NGFR: variants seen among roughly 807,000 people sequenced by gnomAD.
NGFR encodes the protein nerve growth factor receptor.
Under a neutral mutation model 43.2 loss-of-function variants are expected in NGFR, and 30 were observed. The observed-to-expected ratio is 0.69, with a 90% CI of 0.52 to 0.94. The LOEUF (loss-of-function observed/expected upper bound fraction) is 0.94, where lower values mean the gene tolerates loss of function less well. Among genes scored for constraint, NGFR ranks in the 40% least tolerant of loss-of-function variants. The pLI is 0.00. For synonymous variants in NGFR, 246 were observed against 259.6 expected (o/e 0.95, Z 0.50); for missense variants, 529 against 602.5 (o/e 0.88, Z 1.28).
intron 1 of NGFR, among the ~76,000 whole-genome samples, chr17:49,501,506 G>A (rs1282764864): frequency 6.6e-6 from 1 of 152,234 alleles, no homozygotes; most frequent in African/African-American, 2.4e-5. Flanking sequence ...TTCTGCTCTT[G>A]GGCATGGACA....
chr17:49,506,684 GAGTGGGGGT>G, intron 3 of NGFR, 26 bp downstream of exon 3: 45 of 1,133,618 alleles, frequency 4.0e-5, no homozygotes, highest in Non-Finnish European at 5.0e-5. Context: ...GGGGCGGGGG[GAGTGGGGGT>G]GCGGGGGTGG....
intron 3 of NGFR, 42 bp downstream of exon 3, chr17:49,506,700 G>GGGGGGGGCCC: frequency 2.1e-6 from 1 of 485,200 alleles, no homozygotes; most frequent in Non-Finnish European, 3.2e-6. Flanking sequence ...GGGTGCGGGG[G>GGGGGGGGCCC]TGGGCTGGGG....
Position 49,512,702 on chromosome 17 carries a change from C to A in NGFR, c.983-6C>A. On this transcript the variant is annotated splice_region_variant and splice_polypyrimidine_tract_variant and intron_variant, in intron 5 of 5. Coordinates refer to ENST00000172229, the MANE Select transcript of NGFR (RefSeq NM_002507.4). The surrounding 1 kb of genome is among the most constrained non-coding windows in gnomAD (Gnocchi z 5.2). ...AGGACCTGACTCTCCTCTGGTTTCT[C>A]TGCAGCCCTCAAGGGTGACGGAGGC... is the stretch of plus-strand genomic sequence containing the variant. 6.4e-7 allele frequency: 1 copy of A among 1,572,628 alleles called. No homozygotes were observed. Among genetic ancestry groups the A allele is most frequent in the South Asian group, 1.2e-5 (1 of 84,406 alleles).
intron 3 of NGFR, 46 bp downstream of exon 3, chr17:49,506,704 G>GGGGGGGGGGGGGGGCCGGGGGC: frequency 1.4e-6 from 1 of 737,234 alleles, no homozygotes; most frequent in Non-Finnish European, 2.0e-6. Context: ...GCGGGGGTGG[G>GGGGGGGGGGGGGGGCCGGGGGC]CTGGGGGCAT....
rs28730834 is a variant in NGFR at position 49,502,212 on chromosome 17, G to C, written c.208+8G>C. ...GTGAGCCCTGCCTGGACAGTGAGTA[G>C]AGGGTGGCGGGCAGGAGGAGGGGAG... is the stretch of plus-strand genomic sequence containing the variant. On this transcript the variant is annotated splice_region_variant and intron_variant, in intron 2 of 5. Coordinates refer to ENST00000172229, the MANE Select transcript of NGFR (RefSeq NM_002507.4). The C allele has an allele frequency of 1.9e-6, 3 of 1,588,400 alleles. No homozygotes were observed. In the East Asian group the frequency reaches 6.8e-5, roughly 36 times the overall value.
At chr17:49,507,618 G>T (rs1297103379) in intron 3 of NGFR, among the ~76,000 whole-genome samples, 3 of 152,222 alleles carry the variant, frequency 2.0e-5, no homozygotes, top group Admixed American at 2.0e-4. Context: ...CGTCTCAGGG[G>T]AGACTGGTGG....
At position 49,510,548 on chromosome 17, in the gene NGFR, G is replaced by C. The variant is rs1273676117; in HGVS notation, c.705G>C (p.Val235=). The stretch of plus-strand genomic sequence containing the variant: ...CGGTGGCAGGTGTGGTGACCACAGT[G>C]ATGGGCAGCTCCCAGCCCGTGGTGA... ...ASTVAGVVTT[V]MGSSQPVVTR... is the part of the protein sequence containing the mutation. The change falls in exon 4 of 6, where the codon GTG becomes GTC. Residue 235 remains valine, a synonymous_variant. Transcript: ENST00000172229. The C allele has an allele frequency of 6.2e-7, 1 of 1,613,992 alleles. No homozygotes were observed. Among genetic ancestry groups the C allele is most frequent in the Non-Finnish European group, 8.5e-7 (1 of 1,180,036 alleles).
chr17:49,495,413 G>A lies in NGFR; in HGVS notation c.-5G>A, dbSNP rs1244091666. On this transcript the variant is annotated 5_prime_UTR_variant, in exon 1 of 6. Coordinates refer to ENST00000172229, the MANE Select transcript of NGFR (RefSeq NM_002507.4). The surrounding 1 kb of genome is among the most constrained non-coding windows in gnomAD (Gnocchi z 6.4). Reference sequence around the variant, plus strand: ...GAAGTCGAGCGCTGCCGCGGGAGGCGGGCGATGGGGGCAGGTGCCACCGGC... The same window carrying A: ...GAAGTCGAGCGCTGCCGCGGGAGGCAGGCGATGGGGGCAGGTGCCACCGGC... The A allele has an allele frequency of 8.1e-7, 1 of 1,234,668 alleles. No individual in the cohort carries two copies. The highest frequency in any genetic ancestry group is 1.0e-6 in the Non-Finnish European group (1 of 988,306). 76.5% of individuals were successfully genotyped at this position (1,234,668 alleles called of 1,614,324 possible). A position where few individuals can be genotyped will look rare whatever the true frequency, so the allele number is the denominator to read the frequency against.
intron 4 of NGFR, chr17:49,510,888 T>A (rs1339376528): frequency 3.5e-6 from 2 of 570,508 alleles, no homozygotes; most frequent in East Asian, 3.0e-5. Flanking sequence ...CTGTCCTGGC[T>A]CCAGCCCCTC....
At chr17:49,501,999 A>AGGGGCCCCCCCCCCCCC in intron 1 of NGFR, 64 bp from the exon 2 acceptor site, 20 of 330,974 alleles carry the variant, frequency 6.0e-5, no homozygotes, top group East Asian at 1.3e-4. Flanking sequence ...TCCCCGGAAG[A>AGGGGCCCCCCCCCCCCC]ACCCCCCCCA....
At position 49,502,200 on chromosome 17, in the gene NGFR, G is replaced by A. The variant is rs770091070; in HGVS notation, c.204G>A (p.Leu68=). 1.9e-6 allele frequency: 3 copies of A among 1,599,844 alleles called. No homozygotes were observed. In the South Asian group the frequency reaches 3.3e-5, roughly 18 times the overall value. ...ACCAGACCGTGTGTGAGCCCTGCCT[G>A]GACAGTGAGTAGAGGGTGGCGGGCA... ...GANQTVCEPC[L]DSVTFSDVVS... The change falls in exon 2 of 6, where the codon CTG becomes CTA. Residue 68 remains leucine (L), a synonymous_variant. Coordinates refer to ENST00000172229, the MANE Select transcript of NGFR (RefSeq NM_002507.4).
chr17:49,510,706 C>A, intron 4 of NGFR, 42 bp downstream of exon 4: 2 of 1,601,972 alleles, frequency 1.2e-6, no homozygotes, highest in Non-Finnish European at 1.7e-6. Flanking sequence ...GAGATGTTTG[C>A]CCTCAAGGAA....
chr17:49,507,955 C>A (rs1261450092), intron 3 of NGFR, among the ~76,000 whole-genome samples: 1 of 152,248 alleles, frequency 6.6e-6, no homozygotes, highest in Admixed American at 6.5e-5. Flanking sequence ...CCCCTGGGGA[C>A]CCTCCAGTCT....
At position 49,501,268 on chromosome 17, in the gene NGFR, T is replaced by C. The variant is rs2071165559; in HGVS notation, c.67-795T>C. ...GGACTGGTGGCTGGAAATCAAACCGTGGCAGGGCAGGGCTGCTGGGTGGTG... is the reference window on the plus strand; with the variant it reads ...GGACTGGTGGCTGGAAATCAAACCGCGGCAGGGCAGGGCTGCTGGGTGGTG... On this transcript the variant is annotated intron_variant, in intron 1 of 5. Coordinates refer to ENST00000172229, the MANE Select transcript of NGFR (RefSeq NM_002507.4). Among the ~76,000 whole-genome samples, 4 of 152,294 alleles carry C rather than the reference T, an allele frequency of 2.6e-5. No individual in the cohort carries two copies. In the South Asian group the frequency reaches 8.3e-4, roughly 32 times the overall value.
chr17:49,503,464 A>G (rs1164720402), intron 2 of NGFR, among the ~76,000 whole-genome samples: 1 of 152,132 alleles, frequency 6.6e-6, no homozygotes, highest in African/African-American at 2.4e-5. Context: ...CGAGGGAACC[A>G]TACTCAGATT....
Position 49,512,092 on chromosome 17 carries a change from G to A in NGFR, c.982+40G>A. ...GCTGGGGAGCTGAGGCGGAGCTGAG[G>A]CTGAGGAAACAGAAGCAATTAAGAT... On this transcript the variant is annotated intron_variant, in intron 5 of 5. Transcript: ENST00000172229. The surrounding 1 kb of genome is among the most constrained non-coding windows in gnomAD (Gnocchi z 5.2). 2 of 1,598,878 alleles carry A rather than the reference G, an allele frequency of 1.3e-6. No individual in the cohort carries two copies. The highest frequency in any genetic ancestry group is 1.7e-6 in the Non-Finnish European group (2 of 1,172,450).
intron 2 of NGFR, among the ~76,000 whole-genome samples, chr17:49,503,679 G>T (rs760526592): frequency 1.3e-5 from 2 of 152,192 alleles, no homozygotes; most frequent in African/African-American, 4.8e-5. Flanking sequence ...ATGCCTGGGC[G>T]TATGTGTGGA....
At chr17:49,502,018 C>CCCCCCCCT in intron 1 of NGFR, 45 bp from the exon 2 acceptor site, 1 of 1,320,358 alleles carries the variant, frequency 7.6e-7, no homozygotes. Context: ...CAACCCACCC[C>CCCCCCCCT]AGCTTTCTCT....
Position 49,512,476 on chromosome 17 carries a change from G to A in NGFR, c.983-232G>A, listed in dbSNP as rs750718563. On this transcript the variant is annotated intron_variant, in intron 5 of 5. Transcript: ENST00000172229. This position sits in a 1 kb window ranked among gnomAD's most constrained non-coding sequence, Gnocchi z 5.2. ...CTCTGCCATGATTAATTGCTGGGGG[G>A]GAAGAGAGGAGGGATGGGGATAGGG... Among the ~76,000 whole-genome samples, 28 of 152,206 alleles carry A rather than the reference G, an allele frequency of 1.8e-4. No homozygotes were observed. The highest frequency in any genetic ancestry group is 2.4e-4 in the Non-Finnish European group (16 of 68,030).
Sources: gnomAD v4.1 joint callset for allele counts (sites outside exome capture counted in the v4.1 genomes callset) on GRCh38, gnomAD v4.1.1 for gene constraint, Gnocchi (gnomAD v3.1) non-coding constraint, MANE v1.5 for transcripts, NCBI Gene and HGNC (gene_info 2026-07-23, HGNC 2026-07-21) for gene names.